Variants in NACC2 observed in about 807,000 individuals in gnomAD.
The protein encoded by NACC2 is nucleus accumbens-associated protein 2.
Under a neutral mutation model 25.1 loss-of-function variants are expected in NACC2, and 8 were observed. That is an observed-to-expected ratio of 0.32 (90% confidence interval 0.19 to 0.57). The LOEUF (loss-of-function observed/expected upper bound fraction) is 0.57, where lower values mean the gene tolerates loss of function less well. Among genes scored for constraint, NACC2 ranks in the 20% least tolerant of loss-of-function variants. NACC2 has a pLI of 0.89. For missense variants in NACC2, 644 were observed against 650.2 expected, an observed-to-expected ratio of 0.99 and a Z score of 0.10; for synonymous variants, 435 against 294.7, an observed-to-expected ratio of 1.48 and a Z score of -4.88.
intron 2 of NACC2, among the ~76,000 whole-genome samples, chr9:136,041,739 G>A (rs1318628853): frequency 1.3e-5 from 2 of 152,158 alleles, no homozygotes; most frequent in African/African-American, 4.8e-5. Flanking sequence ...TTAAACAGAT[G>A]AACAGTATGG....
chr9:136,081,524 C>T (rs1051975619), intron 1 of NACC2, among the ~76,000 whole-genome samples: 1 of 152,264 alleles, frequency 6.6e-6, no homozygotes, highest in African/African-American at 2.4e-5. Flanking sequence ...AGAATTCCCT[C>T]GTGACGTTTC....
At position 136,013,205 on chromosome 9, in the gene NACC2, C is replaced by T. The variant is rs1420123257; in HGVS notation, c.1249G>A (p.Val417Met). The part of the protein sequence containing the change: ...KPLDSRVLNA[V>M]KLYCQNFAPS... The stretch of plus-strand genomic sequence containing the variant: ...GAGACCCCCAGGCTCTTACATTTCA[C>T]AGCGTTCAGGACCCGGCTGTCCAGC... Residue 417 changes from valine (V) to methionine (M), a missense_variant, in exon 5 of 6, where the codon GTG (valine) becomes ATG (methionine). Coordinates refer to ENST00000277554, the MANE Select transcript of NACC2 (RefSeq NM_144653.5). The surrounding 1 kb of genome is among the most constrained non-coding windows in gnomAD (Gnocchi z 6.6). The T allele has an allele frequency of 1.7e-6, 2 of 1,189,004 alleles. No individual in the cohort carries two copies. Among genetic ancestry groups the T allele is most frequent in the Admixed American group, 1.9e-5 (1 of 52,274 alleles). The allele number at this position is 1,189,004 out of a possible 1,614,324, so 73.7% of individuals were successfully genotyped here.
chr9:136,013,218 C>T lies in NACC2; in HGVS notation c.1236G>A (p.Arg412=). The T allele has an allele frequency of 6.2e-7, 1 of 1,611,852 alleles. No individual in the cohort carries two copies. Among genetic ancestry groups the T allele is most frequent in the African/African-American group, 1.3e-5 (1 of 74,934 alleles). Residue 412 remains arginine, a synonymous_variant, in exon 5 of 6, where the codon CGG becomes CGA. Coordinates refer to ENST00000277554, the MANE Select transcript of NACC2 (RefSeq NM_144653.5). This position sits in a 1 kb window ranked among gnomAD's most constrained non-coding sequence, Gnocchi z 6.6. ...SDPSRKPLDS[R]VLNAVKLYCQ... ...TCTTACATTTCACAGCGTTCAGGACCCGGCTGTCCAGCGGCTTCCGGCTGG... is the reference window on the plus strand; with the variant it reads ...TCTTACATTTCACAGCGTTCAGGACTCGGCTGTCCAGCGGCTTCCGGCTGG...
intron 1 of NACC2, among the ~76,000 whole-genome samples, chr9:136,050,969 C>T (rs1348994822): frequency 2.0e-5 from 3 of 152,182 alleles, no homozygotes; most frequent in African/African-American, 7.2e-5. Flanking sequence ...CCACTCTCCT[C>T]CCCTCAAAAA....
chr9:136,077,802 G>T (rs1830278846), intron 1 of NACC2, among the ~76,000 whole-genome samples: 1 of 152,260 alleles, frequency 6.6e-6, no homozygotes, highest in Non-Finnish European at 1.5e-5. Context: ...GTAATAAAAG[G>T]TAAGTGAAAG....
At chr9:136,039,287 G>A (rs1840596286) in intron 2 of NACC2, among the ~76,000 whole-genome samples, 1 of 152,142 alleles carries the variant, frequency 6.6e-6, no homozygotes, top group Non-Finnish European at 1.5e-5. Context: ...AGTAATATTG[G>A]TAATTAAAGT....
chr9:136,091,904 G>A (rs953235545), intron 1 of NACC2, among the ~76,000 whole-genome samples: 33 of 152,142 alleles, frequency 2.2e-4, no homozygotes, highest in African/African-American at 7.2e-4. Context: ...CAACAGAGGC[G>A]GAGGCAGGCG....
intron 2 of NACC2, among the ~76,000 whole-genome samples, chr9:136,032,239 A>G (rs1250369201): frequency 6.6e-6 from 1 of 152,258 alleles, no homozygotes; most frequent in African/African-American, 2.4e-5. Context: ...AACTCAGTTG[A>G]ATTTATTCCA....
chr9:136,075,917 GC>G (rs1287882069), intron 1 of NACC2, among the ~76,000 whole-genome samples: 6 of 152,306 alleles, frequency 3.9e-5, no homozygotes, highest in Admixed American at 3.9e-4. Flanking sequence ...CAGCCCCGCA[GC>G]CCTCCATGTG....
intron 1 of NACC2, among the ~76,000 whole-genome samples, chr9:136,078,052 A>G (rs7859644): frequency 0.84 from 128,101 of 152,228 alleles, 54,277 homozygotes; most frequent in East Asian, 0.99. Context: ...GATTATAGGC[A>G]TGAGCCACCG....
At chr9:136,039,642 T>G (rs931981290) in intron 2 of NACC2, among the ~76,000 whole-genome samples, 1 of 151,196 alleles carries the variant, frequency 6.6e-6, no homozygotes, top group African/African-American at 2.4e-5. Flanking sequence ...CCAAGTGAGG[T>G]TTCTCCCAGG....
At chr9:136,026,459 C>T (rs1840391558) in intron 2 of NACC2, among the ~76,000 whole-genome samples, 1 of 151,916 alleles carries the variant, frequency 6.6e-6, no homozygotes, top group Non-Finnish European at 1.5e-5. Flanking sequence ...AACTGGAGCC[C>T]CAGAAGGAGA....
Position 136,049,660 on chromosome 9 carries a change from T to G in NACC2, c.862A>C (p.Ile288Leu). ...CCTGCATAGCTGCCGGAGGCCTTGA[T>G]GTACATCTGGCCGTACTGCTCCTCC... ...MVEEQYGQMY[I>L]KASGSYAVQE... Residue 288 changes from isoleucine (I) to leucine (L), a missense_variant, in exon 2 of 6, where the codon ATC becomes CTC. Physicochemically the swap from Ile to Leu is conservative, Grantham distance 5 (BLOSUM62 2). Coordinates refer to ENST00000277554, the MANE Select transcript of NACC2 (RefSeq NM_144653.5). 1 of 778,280 alleles carries G rather than the reference T, an allele frequency of 1.3e-6. No individual in the cohort carries two copies. The highest frequency in any genetic ancestry group is 1.7e-5 in the Admixed American group (1 of 58,978). The allele number at this position is 778,280 out of a possible 1,614,324, so 48.2% of individuals were successfully genotyped here. A position where few individuals can be genotyped will look rare whatever the true frequency, so the allele number is the denominator to read the frequency against.
In NACC2 at chr9:136,082,798, C is replaced by A. The variant is rs113093361; in HGVS notation, c.-60+12391G>T. On this transcript the variant is annotated intron_variant, in intron 1 of 5. Coordinates refer to ENST00000277554, the MANE Select transcript of NACC2 (RefSeq NM_144653.5). ...GCTCTTGGCCAGCGGATCCCACAGACGCCCCGTTCTCTGGGTGTTGACTGC... is the reference window on the plus strand; with the variant it reads ...GCTCTTGGCCAGCGGATCCCACAGAAGCCCCGTTCTCTGGGTGTTGACTGC... Among the ~76,000 whole-genome samples the A allele has an allele frequency of 9.2e-3, 1,396 of 152,320 alleles. 18 individuals carry two copies. The highest frequency in any genetic ancestry group is 0.031 in the African/African-American group (1,309 of 41,562).
At chr9:136,091,972 C>G (rs1480229520) in intron 1 of NACC2, among the ~76,000 whole-genome samples, 1 of 152,206 alleles carries the variant, frequency 6.6e-6, no homozygotes, top group East Asian at 1.9e-4. Context: ...AGCCAAGGCC[C>G]AAACAACCTT....
At chr9:136,070,332 C>T (rs774968364) in intron 1 of NACC2, among the ~76,000 whole-genome samples, 10 of 150,006 alleles carry the variant, frequency 6.7e-5, no homozygotes, top group Non-Finnish European at 1.2e-4. Flanking sequence ...ATGGTGAAAC[C>T]CCGTCTCTAC....
At chr9:136,064,474 T>C (rs1841056237) in intron 1 of NACC2, among the ~76,000 whole-genome samples, 2 of 152,152 alleles carry the variant, frequency 1.3e-5, no homozygotes, top group East Asian at 1.9e-4. Flanking sequence ...AAGCATAAAA[T>C]ACATAGGAAT....
chr9:136,035,556 TACC>T (rs1840538590), intron 2 of NACC2, among the ~76,000 whole-genome samples: 1 of 152,140 alleles, frequency 6.6e-6, no homozygotes, highest in African/African-American at 2.4e-5. Context: ...CTGGATTAAA[TACC>T]ACATCAGGGA....
chr9:136,025,614 TAA>T (rs942237535), intron 2 of NACC2, among the ~76,000 whole-genome samples: 1 of 139,134 alleles, frequency 7.2e-6, no homozygotes, highest in Admixed American at 7.3e-5. Context: ...TAAGTCCTAT[TAA>T]AAAAAAAAAA....
Sources: allele counts gnomAD v4.1 joint callset (sites outside exome capture counted in the v4.1 genomes callset), GRCh38; gene constraint gnomAD v4.1.1; non-coding constraint Gnocchi (gnomAD v3.1); transcripts MANE v1.5; gene names NCBI Gene and HGNC (gene_info 2026-07-23, HGNC 2026-07-21).